NKAIN3: variants seen among roughly 807,000 people sequenced by gnomAD.
The protein encoded by NKAIN3 is sodium/potassium transporting ATPase interacting 3, also known as sodium/potassium-transporting ATPase subunit beta-1-interacting protein 3.
NKAIN3 carries 25 observed loss-of-function variants against 30.2 expected under a neutral mutation model. The ratio of observed to expected loss-of-function variants is 0.83; its 90% CI spans 0.60 to 1.16. NKAIN3 has a LOEUF of 1.16. Ranked by LOEUF, NKAIN3 falls within the 50% of genes most tolerant of loss-of-function variation. The pLI is 0.00. For missense variants in NKAIN3, 225 were observed against 254.1 expected (o/e 0.89, Z 0.78); for synonymous variants, 91 against 89.6 (o/e 1.02, Z -0.09).
intron 4 of NKAIN3, among the ~76,000 whole-genome samples, chr8:62,879,848 G>T (rs1820920799): frequency 6.6e-6 from 1 of 152,182 alleles, no homozygotes; most frequent in Non-Finnish European, 1.5e-5. Context: ...CAAGGACTCA[G>T]AATCTGACTC....
At chr8:62,518,870 A>G (rs989894566) in intron 1 of NKAIN3, among the ~76,000 whole-genome samples, 1 of 152,150 alleles carries the variant, frequency 6.6e-6, no homozygotes, top group Admixed American at 6.5e-5. Flanking sequence ...AACTAGCTTC[A>G]GGATTTAGAA....
intron 1 of NKAIN3, among the ~76,000 whole-genome samples, chr8:62,526,715 T>A (rs747210082): frequency 1.3e-5 from 2 of 152,134 alleles, no homozygotes; most frequent in Non-Finnish European, 2.9e-5. Flanking sequence ...ATTGCAGAAG[T>A]GACAGATAAC....
intron 1 of NKAIN3, among the ~76,000 whole-genome samples, chr8:62,327,669 G>A (rs978512306): frequency 1.3e-5 from 2 of 151,920 alleles, no homozygotes; most frequent in Admixed American, 6.6e-5. Flanking sequence ...TATGCCAAAT[G>A]CACTGTTTTG....
chr8:62,334,561 TG>T (rs1815470132), intron 1 of NKAIN3, among the ~76,000 whole-genome samples: 1 of 152,140 alleles, frequency 6.6e-6, no homozygotes, highest in South Asian at 2.1e-4. Flanking sequence ...CCTAACTCAA[TG>T]GCTTTGGAAG....
At chr8:62,271,263 T>A (rs1430462111) in intron 1 of NKAIN3, among the ~76,000 whole-genome samples, 2 of 152,078 alleles carry the variant, frequency 1.3e-5, no homozygotes, top group Non-Finnish European at 1.5e-5. Context: ...ACAAATGAGG[T>A]TTTTTATTCC....
rs149633732 is a variant in NKAIN3 at position 62,689,380 on chromosome 8, A to G, written c.274-57552A>G. On this transcript the variant is annotated intron_variant, in intron 3 of 6. Coordinates refer to ENST00000623646, the MANE Select transcript of NKAIN3 (RefSeq NM_001304533.3). ...TGCACACTTCAGTATTTAAGCCATCAGTCTGATTTTATCTCACATTGTTCA... is the reference window on the plus strand; with the variant it reads ...TGCACACTTCAGTATTTAAGCCATCGGTCTGATTTTATCTCACATTGTTCA... 4.3e-3 allele frequency among the ~76,000 whole-genome samples: 655 copies of G among 152,278 alleles called. 5 individuals carry two copies. Among genetic ancestry groups the G allele is most frequent in the Middle Eastern group, 0.02 (6 of 294 alleles).
At chr8:62,310,522 A>C (rs570111934) in intron 1 of NKAIN3, among the ~76,000 whole-genome samples, 1 of 150,644 alleles carries the variant, frequency 6.6e-6, no homozygotes, top group East Asian at 1.9e-4. Context: ...AAATGTTCCT[A>C]CCCTACAGTT....
At chr8:62,875,773 A>G (rs1308470482) in intron 4 of NKAIN3, among the ~76,000 whole-genome samples, 3 of 152,236 alleles carry the variant, frequency 2.0e-5, no homozygotes, top group South Asian at 4.1e-4. Flanking sequence ...CAGGCTAGCC[A>G]TATGTAGAAA....
intron 5 of NKAIN3, among the ~76,000 whole-genome samples, chr8:62,938,163 C>T (rs1439254094): frequency 2.0e-5 from 3 of 152,092 alleles, no homozygotes; most frequent in East Asian, 1.9e-4. Flanking sequence ...GGAGCTCTAA[C>T]GGCCCTGCCC....
chr8:62,930,764 C>T (rs1416920908), intron 5 of NKAIN3, among the ~76,000 whole-genome samples: 6 of 149,972 alleles, frequency 4.0e-5, no homozygotes, highest in African/African-American at 1.5e-4. Flanking sequence ...AGTGCAGTGG[C>T]GCGATCTCGG....
At chr8:62,861,110 G>A (rs1246635768) in intron 4 of NKAIN3, among the ~76,000 whole-genome samples, 1 of 152,190 alleles carries the variant, frequency 6.6e-6, no homozygotes, top group Non-Finnish European at 1.5e-5. Context: ...CTCGATCAGT[G>A]ATGATGTCTC....
intron 1 of NKAIN3, among the ~76,000 whole-genome samples, chr8:62,467,436 T>C (rs1291201726): frequency 1.3e-5 from 2 of 152,170 alleles, no homozygotes; most frequent in Non-Finnish European, 2.9e-5. Context: ...ATCAGAAATC[T>C]CATAAATTAG....
chr8:62,806,687 G>A (rs1341994789), intron 4 of NKAIN3, among the ~76,000 whole-genome samples: 2 of 151,892 alleles, frequency 1.3e-5, no homozygotes, highest in Non-Finnish European at 2.9e-5. Flanking sequence ...ATAGCATTAG[G>A]AGATATACCT....
At chr8:62,992,950 G>A (rs944064636) in intron 5 of NKAIN3, among the ~76,000 whole-genome samples, 4 of 152,086 alleles carry the variant, frequency 2.6e-5, no homozygotes, top group African/African-American at 7.2e-5. Flanking sequence ...TAAAACTCAA[G>A]CTTTCTTGAG....
chr8:62,899,765 G>C (rs1256599291), intron 4 of NKAIN3, among the ~76,000 whole-genome samples: 1 of 152,036 alleles, frequency 6.6e-6, no homozygotes, highest in Non-Finnish European at 1.5e-5. Flanking sequence ...GTAACACAAA[G>C]GATAAAATGC....
chr8:62,353,591 C>G (rs567728975), intron 1 of NKAIN3, among the ~76,000 whole-genome samples: 2 of 152,196 alleles, frequency 1.3e-5, no homozygotes, highest in East Asian at 3.9e-4. Context: ...ATAGCCTCGC[C>G]TATTTCACTG....
At chr8:62,856,348 G>T in intron 4 of NKAIN3, 1 of 893,348 alleles carries the variant, frequency 1.1e-6, no homozygotes, top group South Asian at 1.3e-5. Flanking sequence ...CTTAGTGCTT[G>T]CTTCCTGGTC....
chr8:62,439,463 C>T (rs891212506), intron 1 of NKAIN3, among the ~76,000 whole-genome samples: 1 of 152,130 alleles, frequency 6.6e-6, no homozygotes, highest in Admixed American at 6.5e-5. Flanking sequence ...AGCAAGAAAG[C>T]AAGTTAAAAA....
chr8:62,384,612 C>A (rs1817368721), intron 1 of NKAIN3, among the ~76,000 whole-genome samples: 1 of 151,806 alleles, frequency 6.6e-6, no homozygotes, highest in Non-Finnish European at 1.5e-5. Flanking sequence ...GTAGGAGGAC[C>A]CAGGCAGATC....
Sources: allele counts gnomAD v4.1 joint callset (sites outside exome capture counted in the v4.1 genomes callset), GRCh38; gene constraint gnomAD v4.1.1; transcripts MANE v1.5; gene names NCBI Gene and HGNC (gene_info 2026-07-23, HGNC 2026-07-21).